Variants in WDFY4 observed in about 807,000 individuals in gnomAD.
The protein encoded by WDFY4 is WDFY family member 4.
Under a neutral mutation model 351.9 loss-of-function variants are expected in WDFY4, and 169 were observed. The ratio of observed to expected loss-of-function variants is 0.48; its 90% CI spans 0.42 to 0.55. The LOEUF (loss-of-function observed/expected upper bound fraction) is 0.55, where lower values mean the gene tolerates loss of function less well. Among genes scored for constraint, WDFY4 ranks in the 20% least tolerant of loss-of-function variants. The probability of loss-of-function intolerance (pLI) is 0.00; values close to 1 mark genes in which losing one functional copy is unlikely to be tolerated. For missense variants in WDFY4, 3,803 were observed against 3,935.6 expected (o/e 0.97, Z 0.90); for synonymous variants, 1,622 against 1,574.6 (o/e 1.03, Z -0.71).
chr10:48,968,741 C>A (rs1842198590), intron 55 of WDFY4: 1 of 367,608 alleles, frequency 2.7e-6, no homozygotes, highest in South Asian at 3.0e-5. Context: ...GAGGTCTGGG[C>A]AGCTCCAAAT....
chr10:48,713,529 G>T (rs1460367756), intron 2 of WDFY4, among the ~76,000 whole-genome samples: 1 of 152,254 alleles, frequency 6.6e-6, no homozygotes, highest in African/African-American at 2.4e-5. Flanking sequence ...GAGTTGAAGA[G>T]TGGCTGCAGG....
intron 39 of WDFY4, among the ~76,000 whole-genome samples, chr10:48,842,810 A>G (rs1026578531): frequency 2.0e-5 from 3 of 152,162 alleles, no homozygotes; most frequent in Non-Finnish European, 4.4e-5. Context: ...TTGCTTGCCT[A>G]TCTCCTGCCA....
intron 46 of WDFY4, among the ~76,000 whole-genome samples, chr10:48,900,713 C>G (rs1485204047): frequency 6.6e-6 from 1 of 152,182 alleles, no homozygotes; most frequent in Non-Finnish European, 1.5e-5. Flanking sequence ...ATTTTAGTTG[C>G]TCCAATTTCA....
At chr10:48,724,114 G>C (rs1003626205) in intron 5 of WDFY4, among the ~76,000 whole-genome samples, 3 of 152,160 alleles carry the variant, frequency 2.0e-5, no homozygotes, top group Non-Finnish European at 4.4e-5. Flanking sequence ...CTTCCGGGCA[G>C]TTTCTGCTTT....
chr10:48,697,622 G>A (rs148383662), intron 1 of WDFY4, among the ~76,000 whole-genome samples: 23 of 152,274 alleles, frequency 1.5e-4, no homozygotes, highest in Non-Finnish European at 2.2e-4. Context: ...CCAGGGTCCC[G>A]CCTTCTTTCT....
chr10:48,893,126 A>T (rs145274192), intron 44 of WDFY4, among the ~76,000 whole-genome samples: 2 of 152,340 alleles, frequency 1.3e-5, no homozygotes, highest in African/African-American at 4.8e-5. Flanking sequence ...GTTTGCAGAC[A>T]ATCCTTTGCA....
intron 53 of WDFY4, among the ~76,000 whole-genome samples, chr10:48,963,174 G>T (rs371679139): frequency 6.6e-6 from 1 of 152,190 alleles, no homozygotes; most frequent in African/African-American, 2.4e-5. Context: ...ACCAAAAGGC[G>T]GTGTTCATGG....
At chr10:48,868,586 C>T (rs942544876) in intron 40 of WDFY4, among the ~76,000 whole-genome samples, 1 of 152,120 alleles carries the variant, frequency 6.6e-6, no homozygotes, top group African/African-American at 2.4e-5. Context: ...CATGGATTGA[C>T]AGATTTCACT....
intron 57 of WDFY4, among the ~76,000 whole-genome samples, chr10:48,971,880 G>C (rs1461684528): frequency 6.6e-6 from 1 of 152,204 alleles, no homozygotes. Flanking sequence ...GACTGGAAAT[G>C]AAAGACTGGA....
At chr10:48,699,018 C>G (rs1008000935) in intron 1 of WDFY4, among the ~76,000 whole-genome samples, 1 of 152,140 alleles carries the variant, frequency 6.6e-6, no homozygotes, top group Non-Finnish European at 1.5e-5. Flanking sequence ...CTAGCCGGCC[C>G]GTGCAGCCCC....
chr10:48,871,044 C>A (rs1326092195), intron 40 of WDFY4, among the ~76,000 whole-genome samples: 1 of 152,136 alleles, frequency 6.6e-6, no homozygotes, highest in Non-Finnish European at 1.5e-5. Context: ...CACCATTCTC[C>A]TGCCTCAGCC....
chr10:48,771,839 TGA>T, intron 13 of WDFY4, among the ~76,000 whole-genome samples: 1 of 152,180 alleles, frequency 6.6e-6, no homozygotes. Flanking sequence ...CATTCTTGTT[TGA>T]GAAAGAATAG....
At chr10:48,739,364 C>A (rs2132393376) in intron 11 of WDFY4, among the ~76,000 whole-genome samples, 1 of 152,302 alleles carries the variant, frequency 6.6e-6, no homozygotes, top group East Asian at 1.9e-4. Context: ...GTGTCAACCC[C>A]AGCCTGATTA....
intron 58 of WDFY4, among the ~76,000 whole-genome samples, chr10:48,975,990 G>C (rs1383334301): frequency 6.6e-6 from 1 of 152,204 alleles, no homozygotes; most frequent in Non-Finnish European, 1.5e-5. Context: ...TGTGTCCCTA[G>C]ACCCCAGAGA....
intron 40 of WDFY4, among the ~76,000 whole-genome samples, chr10:48,869,757 T>C (rs2069691353): frequency 6.6e-6 from 1 of 152,226 alleles, no homozygotes; most frequent in African/African-American, 2.4e-5. Context: ...ACACAGTCTT[T>C]ACTGGTTGGA....
chr10:48,779,829 G>A, intron 18 of WDFY4, 112 bp from the exon 19 acceptor site: 1 of 1,139,320 alleles, frequency 8.8e-7, no homozygotes, highest in Non-Finnish European at 1.2e-6. Context: ...GAGGATCTAG[G>A]GCTCCATGGT....
intron 12 of WDFY4, among the ~76,000 whole-genome samples, chr10:48,755,511 G>T (rs2065311051): frequency 1.3e-5 from 2 of 151,992 alleles, no homozygotes; most frequent in Non-Finnish European, 2.9e-5. Context: ...AATCTGTTTT[G>T]AGCTACTTTT....
chr10:48,877,048 G>A lies in WDFY4; in HGVS notation c.7016G>A (p.Arg2339Lys). The A allele has an allele frequency of 2.7e-6, 4 of 1,497,792 alleles. No individual in the cohort carries two copies. The highest frequency in any genetic ancestry group is 3.6e-6 in the Non-Finnish European group (4 of 1,121,332). The allele number at this position is 1,497,792 out of a possible 1,614,324, so 92.8% of individuals were successfully genotyped here. ...NAENQDELTL[R>K]EAEGEPDEVG... ...GCTGCTGCAGATGAACTGACACTGA[G>A]GGAGGCTGAGGGCGAGCCGGACGAG... Residue 2339 changes from arginine (R) to lysine (K), a missense_variant, in exon 43 of 62, where the codon AGG becomes AAG. Physicochemically the swap from Arg to Lys is conservative, Grantham distance 26. Coordinates refer to ENST00000325239, the MANE Select transcript of WDFY4 (RefSeq NM_001394531.1).
chr10:48,930,733 G>A (rs1839943944), intron 47 of WDFY4, among the ~76,000 whole-genome samples: 1 of 151,994 alleles, frequency 6.6e-6, no homozygotes, highest in Non-Finnish European at 1.5e-5. Context: ...ATAGATGAGT[G>A]ATTAAATAAT....
Sources: gnomAD v4.1 joint callset for allele counts (sites outside exome capture counted in the v4.1 genomes callset) on GRCh38, gnomAD v4.1.1 for gene constraint, MANE v1.5 for transcripts, NCBI Gene and HGNC (gene_info 2026-07-23, HGNC 2026-07-21) for gene names.